The following KDM2A variants were observed in gnomAD, a reference collection of about 807,000 sequenced individuals.
KDM2A encodes lysine-specific demethylase 2A.
KDM2A carries 3 observed loss-of-function variants against 137.3 expected under a neutral mutation model. The observed-to-expected ratio is 0.02, with a 90% confidence interval of 0.01 to 0.06. The LOEUF (loss-of-function observed/expected upper bound fraction) is 0.06, where lower values mean the gene tolerates loss of function less well. Ranked by LOEUF, KDM2A falls within the 10% of genes least tolerant of loss-of-function variation. The pLI, the probability that KDM2A is intolerant of heterozygous loss-of-function variation, is 1.00. For synonymous variants in KDM2A, 512 were observed against 541.5 expected, an observed-to-expected ratio of 0.95 and a Z score of 0.76; for missense variants, 738 against 1,510.6, an observed-to-expected ratio of 0.49 and a Z score of 8.48.
At position 67,248,205 on chromosome 11, in the gene KDM2A, T is replaced by A. The variant is rs996964731; in HGVS notation, c.1966-76T>A. The A allele has an allele frequency of 3.7e-6, 4 of 1,078,678 alleles. No individual in the cohort carries two copies. In the African/African-American group the frequency reaches 4.7e-5, roughly 13 times the overall value. 66.8% of individuals were successfully genotyped at this position (1,078,678 alleles called of 1,614,324 possible). A position where few individuals can be genotyped will look rare whatever the true frequency, so the allele number is the denominator to read the frequency against. ...CCAATGTTGTTGAGAAATGAGTAAC[T>A]CTTCCCAACTGTGTTATTGTTGGAT... On this transcript the variant is annotated intron_variant, in intron 15 of 20. Coordinates refer to ENST00000529006, the MANE Select transcript of KDM2A (RefSeq NM_012308.3).
intron 2 of KDM2A, among the ~76,000 whole-genome samples, chr11:67,166,185 C>CTT (rs926802116): frequency 3.0e-4 from 39 of 131,524 alleles, no homozygotes; most frequent in East Asian, 4.4e-4. Flanking sequence ...CAATATTTCT[C>CTT]TTTTTTTTTT....
At chr11:67,178,744 T>C (rs903151020) in intron 2 of KDM2A, among the ~76,000 whole-genome samples, 1 of 152,362 alleles carries the variant, frequency 6.6e-6, no homozygotes, top group South Asian at 2.1e-4. Flanking sequence ...TGTGGTTAAA[T>C]GATATCTCAT....
chr11:67,242,755 C>T (rs1230763323), intron 12 of KDM2A, among the ~76,000 whole-genome samples: 1 of 152,198 alleles, frequency 6.6e-6, no homozygotes, highest in Non-Finnish European at 1.5e-5. Flanking sequence ...CCTCCCACCT[C>T]TCACAGGCAT....
chr11:67,193,460 A>G (rs1170935235), intron 5 of KDM2A, among the ~76,000 whole-genome samples: 1 of 152,220 alleles, frequency 6.6e-6, no homozygotes, highest in South Asian at 2.1e-4. Flanking sequence ...TCACTTTCTC[A>G]TAGTGATTAA....
At chr11:67,159,246 A>G (rs1402019219) in intron 2 of KDM2A, among the ~76,000 whole-genome samples, 2 of 152,184 alleles carry the variant, frequency 1.3e-5, no homozygotes, top group Non-Finnish European at 2.9e-5. Context: ...GTGGATGTTC[A>G]GTTGTTGCAG....
chr11:67,174,919 C>T (rs1856947061), intron 2 of KDM2A, among the ~76,000 whole-genome samples: 1 of 152,106 alleles, frequency 6.6e-6, no homozygotes, highest in Non-Finnish European at 1.5e-5. Context: ...TGACACTGGG[C>T]CTAGTGAGGA....
chr11:67,240,683 C>T (rs1044552663), intron 12 of KDM2A, among the ~76,000 whole-genome samples: 1 of 152,176 alleles, frequency 6.6e-6, no homozygotes, highest in Non-Finnish European at 1.5e-5. Context: ...CCGAGATAGG[C>T]GTCAGCCTTT....
chr11:67,218,628 G>C (rs1472717793), intron 9 of KDM2A, among the ~76,000 whole-genome samples: 1 of 151,738 alleles, frequency 6.6e-6, no homozygotes, highest in Non-Finnish European at 1.5e-5. Context: ...TTTTGAGATG[G>C]AGTCTTGCTC....
intron 4 of KDM2A, 25 bp downstream of exon 4, chr11:67,181,423 T>A (rs1186602727): frequency 6.4e-7 from 1 of 1,570,714 alleles, no homozygotes; most frequent in Non-Finnish European, 8.7e-7. Context: ...CCTGGCTGGA[T>A]GTAGTTGCAA....
At chr11:67,137,581 C>T (rs1855996270) in intron 2 of KDM2A, among the ~76,000 whole-genome samples, 1 of 151,980 alleles carries the variant, frequency 6.6e-6, no homozygotes, top group Non-Finnish European at 1.5e-5. Flanking sequence ...AGTATGACTC[C>T]CAAGTTTTCC....
At chr11:67,166,185 CTTT>C (rs926802116) in intron 2 of KDM2A, among the ~76,000 whole-genome samples, 4 of 131,516 alleles carry the variant, frequency 3.0e-5, no homozygotes, top group Non-Finnish European at 5.0e-5. Context: ...CAATATTTCT[CTTT>C]TTTTTTTTTT....
At chr11:67,134,720 G>T (rs752518269) in intron 2 of KDM2A, among the ~76,000 whole-genome samples, 7 of 151,976 alleles carry the variant, frequency 4.6e-5, no homozygotes, top group Non-Finnish European at 5.9e-5. Context: ...GACTAGGCTG[G>T]TCTCGAACTT....
chr11:67,126,815 A>G (rs1488658592), intron 2 of KDM2A, among the ~76,000 whole-genome samples: 1 of 151,634 alleles, frequency 6.6e-6, no homozygotes, highest in Non-Finnish European at 1.5e-5. Context: ...GATTTGGAAT[A>G]TAAGCTACAC....
chr11:67,121,068 C>T (rs1855588336), intron 1 of KDM2A, among the ~76,000 whole-genome samples, 166 bp from the exon 2 acceptor site: 1 of 152,136 alleles, frequency 6.6e-6, no homozygotes, highest in Admixed American at 6.6e-5. Context: ...TAATGTTGAA[C>T]ATGACATGGA....
intron 5 of KDM2A, chr11:67,196,218 G>A (rs80298919): frequency 8.8e-6 from 4 of 455,752 alleles, no homozygotes; most frequent in East Asian, 6.9e-5. Flanking sequence ...ACGAGCAGGG[G>A]CTTGCAGCCC....
intron 10 of KDM2A, 195 bp downstream of exon 10, chr11:67,219,598 A>G: frequency 9.2e-6 from 3 of 325,242 alleles, no homozygotes; most frequent in Non-Finnish European, 1.7e-5. Context: ...TCTGTTTTCC[A>G]GGCTAGAGTG....
In KDM2A at chr11:67,152,753, A is replaced by G. The variant is rs188786159; in HGVS notation, c.43-27326A>G. Among the ~76,000 whole-genome samples the G allele has an allele frequency of 3.5e-4, 53 of 152,272 alleles. 1 individual carries two copies. The highest frequency in any genetic ancestry group is 3.3e-3 in the Admixed American group (50 of 15,284). ...CTTTTATCTTGCTGTAGAATTTCATATGGATCATTCCATAGCAGATGTTTA... is the reference window on the plus strand; with the variant it reads ...CTTTTATCTTGCTGTAGAATTTCATGTGGATCATTCCATAGCAGATGTTTA... On this transcript the variant is annotated intron_variant, in intron 2 of 20. Transcript: ENST00000529006.
chr11:67,212,975 C>T (rs575684304), intron 6 of KDM2A, among the ~76,000 whole-genome samples: 2 of 152,252 alleles, frequency 1.3e-5, no homozygotes, highest in East Asian at 3.9e-4. Context: ...AGAAAGGCAT[C>T]CAGGGCTTAT....
At chr11:67,180,715 C>T (rs1190956181) in intron 3 of KDM2A, among the ~76,000 whole-genome samples, 2 of 151,644 alleles carry the variant, frequency 1.3e-5, no homozygotes, top group African/African-American at 2.4e-5. Flanking sequence ...TGCAGTGGTG[C>T]GATCTCGGCT....
Sources: gnomAD v4.1 joint callset for allele counts (sites outside exome capture counted in the v4.1 genomes callset) on GRCh38, gnomAD v4.1.1 for gene constraint, MANE v1.5 for transcripts, NCBI Gene and HGNC (gene_info 2026-07-23, HGNC 2026-07-21) for gene names.